The following ZC2HC1B variants were observed in gnomAD, a reference collection of about 807,000 sequenced individuals.
The protein encoded by ZC2HC1B is zinc finger C2HC-type containing 1B.
ZC2HC1B carries 36 observed loss-of-function variants against 31.0 expected under a neutral mutation model. The observed-to-expected ratio is 1.16, with a 90% CI of 0.89 to 1.54. The LOEUF (loss-of-function observed/expected upper bound fraction) is 1.54, where lower values mean the gene tolerates loss of function less well. Ranked by LOEUF, ZC2HC1B falls within the 40% of genes most tolerant of loss-of-function variation. The pLI is 0.00. For synonymous variants in ZC2HC1B, 73 were observed against 88.0 expected (o/e 0.83, Z 0.95); for missense variants, 260 against 268.6 (o/e 0.97, Z 0.22).
chr6:143,902,832 C>T lies in ZC2HC1B; in HGVS notation c.490-212C>T, dbSNP rs569042540. 2.6e-5 allele frequency among the ~76,000 whole-genome samples: 4 copies of T among 152,216 alleles called. No homozygotes were observed. The South Asian group carries it at 6.2e-4, about 24-fold the overall frequency. On this transcript the variant is annotated intron_variant, in intron 5 of 7. Coordinates refer to ENST00000237275, the MANE Select transcript of ZC2HC1B (RefSeq NM_001013623.3). ...AATTATGGAAGGGAAGCTTCAAAAC[C>T]CAGATATTGCTTTGAGCACCAGCTG...
intron 6 of ZC2HC1B, among the ~76,000 whole-genome samples, chr6:143,925,624 C>T (rs1343769326): frequency 1.3e-5 from 2 of 151,560 alleles, no homozygotes; most frequent in African/African-American, 2.4e-5. Context: ...GCAACCTCCG[C>T]CTCCCGTGCT....
At chr6:143,878,753 T>TA (rs1777435798) in intron 1 of ZC2HC1B, among the ~76,000 whole-genome samples, 1 of 152,166 alleles carries the variant, frequency 6.6e-6, no homozygotes, top group African/African-American at 2.4e-5. Flanking sequence ...TAACCCTATA[T>TA]TTCCCCTAGG....
intron 4 of ZC2HC1B, among the ~76,000 whole-genome samples, chr6:143,888,921 G>A (rs916847225): frequency 6.6e-6 from 1 of 151,762 alleles, no homozygotes; most frequent in Non-Finnish European, 1.5e-5. Context: ...AGAACTTTTC[G>A]TACTATATCG....
chr6:143,909,255 G>A (rs1339154133), intron 6 of ZC2HC1B, among the ~76,000 whole-genome samples: 2 of 152,170 alleles, frequency 1.3e-5, no homozygotes, highest in East Asian at 1.9e-4. Flanking sequence ...TCTCTGACAG[G>A]TTTTGGTGGT....
rs1777932373 is a variant in ZC2HC1B at position 143,917,402 on chromosome 6, C to G, written c.598+14250C>G. On this transcript the variant is annotated intron_variant, in intron 6 of 7. Transcript: ENST00000237275. The surrounding 1 kb of genome is among the most constrained non-coding windows in gnomAD (Gnocchi z 4.1). Reference sequence around the variant, plus strand: ...TTTTTGAAGCAAAACATTTATATTCCTTCCTCATTTCCTTTTGTATGTATA... The same window carrying G: ...TTTTTGAAGCAAAACATTTATATTCGTTCCTCATTTCCTTTTGTATGTATA... Among the ~76,000 whole-genome samples, 2 of 152,156 alleles carry G rather than the reference C, an allele frequency of 1.3e-5. No individual in the cohort carries two copies. Among genetic ancestry groups the G allele is most frequent in the African/African-American group, 4.8e-5 (2 of 41,430 alleles).
chr6:143,908,271 T>C lies in ZC2HC1B; in HGVS notation c.598+5119T>C, dbSNP rs1462981671. 1.4e-5 allele frequency among the ~76,000 whole-genome samples: 2 copies of C among 141,048 alleles called. No individual in the cohort carries two copies. The highest frequency in any genetic ancestry group is 3.1e-5 in the Non-Finnish European group (2 of 65,552). The allele number at this position is 141,048 out of a possible 152,430, so 92.5% of individuals were successfully genotyped here. ...CTTGACTATTTGGGCTCTGTTTTGATTTCATATGAATTTTAAAATAGTTTT... is the reference window on the plus strand; with the variant it reads ...CTTGACTATTTGGGCTCTGTTTTGACTTCATATGAATTTTAAAATAGTTTT... On this transcript the variant is annotated intron_variant, in intron 6 of 7. Transcript: ENST00000237275. The surrounding 1 kb of genome is among the most constrained non-coding windows in gnomAD (Gnocchi z 4.4).
At position 143,918,630 on chromosome 6, in the gene ZC2HC1B, T is replaced by C. The variant is rs1363669541; in HGVS notation, c.598+15478T>C. 6.6e-6 allele frequency among the ~76,000 whole-genome samples: 1 copy of C among 152,194 alleles called. No homozygotes were observed. The highest frequency in any genetic ancestry group is 2.4e-5 in the African/African-American group (1 of 41,440). ...GTTAAATCTGGCAAGTTTTCAGCCA[T>C]TATTTCTCTCTGCTCTTTTCTCTCT... On this transcript the variant is annotated intron_variant, in intron 6 of 7. Transcript: ENST00000237275. The surrounding 1 kb of genome is among the most constrained non-coding windows in gnomAD (Gnocchi z 4.1).
rs1176724266 is a variant in ZC2HC1B, at chr6:143,919,217, C to CTCTCTG, written c.598+16066_598+16067insCTCTGT. Among the ~76,000 whole-genome samples, 73 of 123,694 alleles carry CTCTCTG rather than the reference C, an allele frequency of 5.9e-4. 1 individual carries two copies. Among genetic ancestry groups the CTCTCTG allele is most frequent in the Middle Eastern group, 4.0e-3 (1 of 252 alleles). 81.1% of individuals were successfully genotyped at this position (123,694 alleles called of 152,430 possible). On this transcript the variant is annotated intron_variant, in intron 6 of 7. Transcript: ENST00000237275. Reference sequence around the variant, plus strand: ...TCCCTTCTGCAGGGTTTGCTATTCTCTGTGTGTGTGTGTGTGTGTGTGTGT... The same window carrying CTCTCTG: ...TCCCTTCTGCAGGGTTTGCTATTCTCTCTCTGTGTGTGTGTGTGTGTGTGTGTGTGT...
chr6:143,879,223 G>T (rs1777440488), intron 1 of ZC2HC1B, among the ~76,000 whole-genome samples: 1 of 152,192 alleles, frequency 6.6e-6, no homozygotes, highest in African/African-American at 2.4e-5. Flanking sequence ...AGTTTGGGAA[G>T]TAGAGTTTGG....
At chr6:143,928,405 G>A (rs1079874) in intron 6 of ZC2HC1B, among the ~76,000 whole-genome samples, 74,855 of 151,920 alleles carry the variant, frequency 0.49, 19,205 homozygotes, top group African/African-American at 0.65. Context: ...CAACTTTGTC[G>A]AATATCAGTT....
At position 143,924,468 on chromosome 6, in the gene ZC2HC1B, A is replaced by T. The variant is rs191061816; in HGVS notation, c.599-13181A>T. The stretch of plus-strand genomic sequence containing the variant: ...GACTTCCTCTATTCCAATTTAGATG[A>T]CATTTATTTATTTCTCTTGCCTGAT... On this transcript the variant is annotated intron_variant, in intron 6 of 7. Coordinates refer to ENST00000237275, the MANE Select transcript of ZC2HC1B (RefSeq NM_001013623.3). The surrounding 1 kb of genome is among the most constrained non-coding windows in gnomAD (Gnocchi z 5.2). 8.0e-4 allele frequency among the ~76,000 whole-genome samples: 121 copies of T among 152,142 alleles called. No individual in the cohort carries two copies. The highest frequency in any genetic ancestry group is 6.0e-3 in the Admixed American group (91 of 15,280).
At chr6:143,926,104 A>T (rs752917805) in intron 6 of ZC2HC1B, among the ~76,000 whole-genome samples, 2 of 151,614 alleles carry the variant, frequency 1.3e-5, no homozygotes, top group African/African-American at 2.4e-5. Flanking sequence ...ATTTTTTTTT[A>T]AAGTCTCTAT....
At chr6:143,874,010 A>C (rs1268713119) in intron 1 of ZC2HC1B, among the ~76,000 whole-genome samples, 1 of 152,184 alleles carries the variant, frequency 6.6e-6, no homozygotes, top group Non-Finnish European at 1.5e-5. Context: ...AATTTTCTGA[A>C]CTTTTATCGT....
In ZC2HC1B at chr6:143,911,683, T is replaced by C. The variant is rs1777858295; in HGVS notation, c.598+8531T>C. Among the ~76,000 whole-genome samples, 1 of 152,216 alleles carries C rather than the reference T, an allele frequency of 6.6e-6. No individual in the cohort carries two copies. The highest frequency in any genetic ancestry group is 1.5e-5 in the Non-Finnish European group (1 of 68,040). On this transcript the variant is annotated intron_variant, in intron 6 of 7. Coordinates refer to ENST00000237275, the MANE Select transcript of ZC2HC1B (RefSeq NM_001013623.3). This position sits in a 1 kb window ranked among gnomAD's most constrained non-coding sequence, Gnocchi z 4.5. ...CTTTGTAGGTGACCTGGCCTTTCTCTCTGGCTGCCCTTAACCATTTTTTCT... is the reference window on the plus strand; with the variant it reads ...CTTTGTAGGTGACCTGGCCTTTCTCCCTGGCTGCCCTTAACCATTTTTTCT...
Position 143,938,211 on chromosome 6 carries a change from G to A in ZC2HC1B, c.*84G>A, listed in dbSNP as rs1164531693. The A allele has an allele frequency of 2.0e-5, 3 of 152,448 alleles. No homozygotes were observed. The highest frequency in any genetic ancestry group is 1.3e-4 in the Admixed American group (2 of 15,296). The allele number at this position is 152,448 out of a possible 1,614,324, so 9.4% of individuals were successfully genotyped here. A position where few individuals can be genotyped will look rare whatever the true frequency, so the allele number is the denominator to read the frequency against. The stretch of plus-strand genomic sequence containing the variant: ...GAATGCCACCTAAGGGGAAGGAACG[G>A]TAGATGTGATGTCTGTTTTTACACC... On this transcript the variant is annotated 3_prime_UTR_variant, in exon 8 of 8. Transcript: ENST00000237275. This position sits in a 1 kb window ranked among gnomAD's most constrained non-coding sequence, Gnocchi z 4.2.
At position 143,937,959 on chromosome 6, in the gene ZC2HC1B, T is replaced by A. The variant is rs181930416; in HGVS notation, c.*15-183T>A. Among the ~76,000 whole-genome samples the A allele has an allele frequency of 1.8e-4, 28 of 152,358 alleles. No individual in the cohort carries two copies. The East Asian group carries it at 5.0e-3, about 27-fold the overall frequency. On this transcript the variant is annotated intron_variant, in intron 7 of 7. Transcript: ENST00000237275. ...AGGAAAGGGGAATGATCCCTCACTT[T>A]TGACCTGAAAGGTTACTGCCTTTTC...
intron 4 of ZC2HC1B, among the ~76,000 whole-genome samples, chr6:143,891,674 C>G (rs146666642): frequency 5.1e-5 from 6 of 117,518 alleles, no homozygotes; most frequent in African/African-American, 2.0e-4. Context: ...GTCTGGGTGA[C>G]AAGAGCGAAA....
intron 6 of ZC2HC1B, among the ~76,000 whole-genome samples, chr6:143,926,838 T>C (rs1778054953): frequency 7.1e-6 from 1 of 140,242 alleles, no homozygotes; most frequent in African/African-American, 2.7e-5. Context: ...CTTTTTTTTT[T>C]TTTTTTTTTT....
intron 6 of ZC2HC1B, among the ~76,000 whole-genome samples, chr6:143,926,953 G>GGCGCCCGGCACC (rs1778058897): frequency 9.3e-6 from 1 of 107,190 alleles, no homozygotes; most frequent in Admixed American, 9.5e-5. Flanking sequence ...TGGGACTACA[G>GGCGCCCGGCACC]GCGCCCGGCT....
Sources: gnomAD v4.1 joint callset for allele counts (sites outside exome capture counted in the v4.1 genomes callset) on GRCh38, gnomAD v4.1.1 for gene constraint, Gnocchi (gnomAD v3.1) non-coding constraint, MANE v1.5 for transcripts, NCBI Gene and HGNC (gene_info 2026-07-23, HGNC 2026-07-21) for gene names.